The following MRRF variants were observed in gnomAD, a reference collection of about 807,000 sequenced individuals.
MRRF encodes the protein ribosome-recycling factor, mitochondrial.
MRRF carries 18 observed loss-of-function variants against 25.1 expected under a neutral mutation model. The observed-to-expected ratio is 0.72, with a 90% CI of 0.50 to 1.06. MRRF has a LOEUF of 1.06. Ranked by LOEUF, MRRF falls within the 50% of genes least tolerant of loss-of-function variation. The pLI, the probability that MRRF is intolerant of heterozygous loss-of-function variation, is 0.00. For synonymous variants in MRRF, 113 were observed against 112.1 expected (o/e 1.01, Z -0.05); for missense variants, 323 against 319.3 (o/e 1.01, Z -0.09).
rs1049290862 is a variant in MRRF at position 122,331,040 on chromosome 9, G to A, written c.*8423G>A. 6.6e-6 allele frequency: 1 copy of A among 152,122 alleles called. No individual in the cohort carries two copies. The highest frequency in any genetic ancestry group is 1.5e-5 in the Non-Finnish European group (1 of 68,040). The allele number at this position is 152,122 out of a possible 1,614,324, so 9.4% of individuals were successfully genotyped here. A position where few individuals can be genotyped will look rare whatever the true frequency, so the allele number is the denominator to read the frequency against. On this transcript the variant is annotated 3_prime_UTR_variant, in exon 7 of 7. Transcript: ENST00000344641. ...GTGGGGCTGGAAAGGGACTTGTGAG[G>A]TGCTAAGTAGCCAGTGAGAGCTTCT... is the stretch of plus-strand genomic sequence containing the variant.
chr9:122,270,300 A>G (rs1029222149), intron 1 of MRRF, among the ~76,000 whole-genome samples: 1 of 152,252 alleles, frequency 6.6e-6, no homozygotes, highest in African/African-American at 2.4e-5. Context: ...CCAGAGCTCT[A>G]GTTCTATACC....
Position 122,331,160 on chromosome 9 carries a change from A to G in MRRF, c.*8543A>G, listed in dbSNP as rs1447663645. On this transcript the variant is annotated 3_prime_UTR_variant, in exon 7 of 7. Coordinates refer to ENST00000344641, the MANE Select transcript of MRRF (RefSeq NM_138777.5). ...TGGGCAAGTTCTCTGGTTTCCAATG[A>G]GGCCAGAGAACCTGTGCTGATCCCT... is the stretch of plus-strand genomic sequence containing the variant. 6.6e-6 allele frequency: 1 copy of G among 152,208 alleles called. No homozygotes were observed. The highest frequency in any genetic ancestry group is 1.5e-5 in the Non-Finnish European group (1 of 68,034). The allele number at this position is 152,208 out of a possible 1,614,324, so 9.4% of individuals were successfully genotyped here. A position where few individuals can be genotyped will look rare whatever the true frequency, so the allele number is the denominator to read the frequency against.
intron 1 of MRRF, among the ~76,000 whole-genome samples, chr9:122,268,776 C>A (rs1186473703): frequency 6.6e-6 from 1 of 152,176 alleles, no homozygotes; most frequent in Non-Finnish European, 1.5e-5. Flanking sequence ...TTATAGACTT[C>A]ATACACTGAT....
chr9:122,322,716 CTG>C lies in MRRF; in HGVS notation c.*101_*102del. 1 of 1,049,110 alleles carries C rather than the reference CTG, an allele frequency of 9.5e-7. No individual in the cohort carries two copies. Among genetic ancestry groups the C allele is most frequent in the Non-Finnish European group, 1.5e-6 (1 of 683,260 alleles). The allele number at this position is 1,049,110 out of a possible 1,614,324, so 65.0% of individuals were successfully genotyped here. ...CTCCCTCCCCCATCTACACAGAAGA[CTG>C]TCACCATGCTGACAGAAGCCTGTCC... is the stretch of plus-strand genomic sequence containing the variant. On this transcript the variant is annotated 3_prime_UTR_variant, in exon 7 of 7. Coordinates refer to ENST00000344641, the MANE Select transcript of MRRF (RefSeq NM_138777.5).
intron 5 of MRRF, among the ~76,000 whole-genome samples, chr9:122,296,142 T>A (rs1834071294): frequency 6.6e-6 from 1 of 151,216 alleles, no homozygotes; most frequent in South Asian, 2.1e-4. Context: ...GTTTGCGAGT[T>A]TTTTTTTTAT....
At chr9:122,291,910 AC>A in intron 5 of MRRF, 70 bp downstream of exon 5, 1 of 1,011,996 alleles carries the variant, frequency 9.9e-7, no homozygotes, top group Non-Finnish European at 1.6e-6. Flanking sequence ...ACCAACAAAT[AC>A]CCTACTATAC....
At chr9:122,320,754 C>G (rs1438898501) in intron 6 of MRRF, among the ~76,000 whole-genome samples, 1 of 152,224 alleles carries the variant, frequency 6.6e-6, no homozygotes, top group Admixed American at 6.5e-5. Context: ...TTTTTAGTTT[C>G]TACCCTTTTT....
In MRRF at chr9:122,326,847, T is replaced by TG. The variant is rs1191612808; in HGVS notation, c.*4231dup. ...TGTTATGATTATCTGTGTTTTTCTG[T>TG]GAAAAAAACAGGTTCAGAAAGGATA... On this transcript the variant is annotated 3_prime_UTR_variant, in exon 7 of 7. Transcript: ENST00000344641. The TG allele has an allele frequency of 1.3e-5, 2 of 152,100 alleles. No individual in the cohort carries two copies. The highest frequency in any genetic ancestry group is 2.9e-5 in the Non-Finnish European group (2 of 68,010). The allele number at this position is 152,100 out of a possible 1,614,324, so 9.4% of individuals were successfully genotyped here.
Position 122,328,626 on chromosome 9 carries a change from T to C in MRRF, c.*6009T>C, listed in dbSNP as rs1336894184. 5.3e-5 allele frequency: 8 copies of C among 152,340 alleles called. No individual in the cohort carries two copies. In the East Asian group the frequency reaches 5.8e-4, roughly 11 times the overall value. The allele number at this position is 152,340 out of a possible 1,614,324, so 9.4% of individuals were successfully genotyped here. On this transcript the variant is annotated 3_prime_UTR_variant, in exon 7 of 7. Transcript: ENST00000344641. ...ATATAAAGCTCCTTTTAACAGACAC[T>C]TAAATTCATTTACATTTATTTATAA...
chr9:122,308,973 G>A (rs989541568), intron 5 of MRRF, among the ~76,000 whole-genome samples: 1 of 152,066 alleles, frequency 6.6e-6, no homozygotes, highest in Non-Finnish European at 1.5e-5. Context: ...TATTCACATT[G>A]CTGTATAAGC....
intron 2 of MRRF, among the ~76,000 whole-genome samples, chr9:122,278,258 A>G (rs1228441200): frequency 1.3e-5 from 2 of 152,200 alleles, no homozygotes; most frequent in East Asian, 1.9e-4. Flanking sequence ...ACCCTGTAGG[A>G]AAGTGCAGCT....
intron 5 of MRRF, among the ~76,000 whole-genome samples, chr9:122,307,693 C>CT (rs1305579599): frequency 2.0e-5 from 3 of 152,170 alleles, no homozygotes; most frequent in Admixed American, 6.5e-5. Flanking sequence ...TAGGAGAAAA[C>CT]TGAGTTTGGA....
chr9:122,275,935 T>G (rs1832743301), intron 2 of MRRF, among the ~76,000 whole-genome samples: 1 of 151,824 alleles, frequency 6.6e-6, no homozygotes, highest in Admixed American at 6.6e-5. Flanking sequence ...TGAGATGGAG[T>G]CTCCCTCTGT....
chr9:122,280,364 A>G, intron 2 of MRRF, 79 bp from the exon 3 acceptor site: 1 of 1,457,168 alleles, frequency 6.9e-7, no homozygotes, highest in East Asian at 2.3e-5. Flanking sequence ...CCCTGTACAT[A>G]GTAGGTACTT....
intron 2 of MRRF, among the ~76,000 whole-genome samples, chr9:122,275,140 A>G (rs2119062007): frequency 6.6e-6 from 1 of 152,006 alleles, no homozygotes; most frequent in African/African-American, 2.4e-5. Flanking sequence ...TCTTAGCAAA[A>G]AATCCAGAGT....
chr9:122,308,971 T>C (rs1287739470), intron 5 of MRRF, among the ~76,000 whole-genome samples: 1 of 152,170 alleles, frequency 6.6e-6, no homozygotes, highest in Non-Finnish European at 1.5e-5. Flanking sequence ...TATATTCACA[T>C]TGCTGTATAA....
chr9:122,317,655 C>T (rs1352581058), intron 6 of MRRF, among the ~76,000 whole-genome samples: 1 of 152,070 alleles, frequency 6.6e-6, no homozygotes, highest in Non-Finnish European at 1.5e-5. Context: ...AAAGAAAAGT[C>T]ACATGCACAT....
rs1210612207 is a variant in MRRF at position 122,326,852 on chromosome 9, AAAAC to A, written c.*4237_*4240del. 6.6e-6 allele frequency: 1 copy of A among 152,190 alleles called. No homozygotes were observed. Among genetic ancestry groups the A allele is most frequent in the Non-Finnish European group, 1.5e-5 (1 of 68,032 alleles). The allele number at this position is 152,190 out of a possible 1,614,324, so 9.4% of individuals were successfully genotyped here. A position where few individuals can be genotyped will look rare whatever the true frequency, so the allele number is the denominator to read the frequency against. ...TGATTATCTGTGTTTTTCTGTGAAA[AAAAC>A]AGGTTCAGAAAGGATATTTAACTTG... On this transcript the variant is annotated 3_prime_UTR_variant, in exon 7 of 7. Transcript: ENST00000344641.
At chr9:122,299,131 C>T (rs1834276845) in intron 5 of MRRF, among the ~76,000 whole-genome samples, 1 of 151,746 alleles carries the variant, frequency 6.6e-6, no homozygotes, top group African/African-American at 2.4e-5. Context: ...TGGCTCATAC[C>T]TGTAATCCCA....
Sources: allele counts gnomAD v4.1 joint callset (sites outside exome capture counted in the v4.1 genomes callset), GRCh38; gene constraint gnomAD v4.1.1; transcripts MANE v1.5; gene names NCBI Gene and HGNC (gene_info 2026-07-23, HGNC 2026-07-21).